Variants in NCKAP5 observed in about 807,000 individuals in gnomAD.
The protein encoded by NCKAP5 is NCK associated protein 5.
In NCKAP5, 92 loss-of-function variants were observed where a neutral mutation model predicts 167.0. The ratio of observed to expected loss-of-function variants is 0.55; its 90% confidence interval spans 0.47 to 0.66. The LOEUF is 0.66. Ranked by LOEUF, NCKAP5 falls within the 30% of genes least tolerant of loss-of-function variation. NCKAP5 has a pLI of 0.00. For synonymous variants in NCKAP5, 891 were observed against 877.4 expected (o/e 1.02, Z -0.27); for missense variants, 2,378 against 2,315.0 (o/e 1.03, Z -0.56).
intron 5 of NCKAP5, among the ~76,000 whole-genome samples, chr2:133,141,829 T>C (rs2083010423): frequency 6.6e-6 from 1 of 152,112 alleles, no homozygotes; most frequent in Non-Finnish European, 1.5e-5. Flanking sequence ...ATGAGAAACC[T>C]AAAAATTTTA....
intron 8 of NCKAP5, among the ~76,000 whole-genome samples, chr2:132,952,388 T>A (rs1356397206): frequency 6.6e-6 from 1 of 152,184 alleles, no homozygotes; most frequent in Admixed American, 6.5e-5. Flanking sequence ...TTTTCTATCA[T>A]CTAAGGTATT....
the NCKAP5 span, among the ~76,000 whole-genome samples, chr2:133,634,167 G>T: frequency 2.0e-5 from 3 of 152,082 alleles, no homozygotes; most frequent in African/African-American, 4.8e-5. Context: ...CTATCCTTTT[G>T]GTTTCCATTT....
chr2:133,377,452 A>T (rs1277337577), intron 3 of NCKAP5, among the ~76,000 whole-genome samples: 1 of 152,170 alleles, frequency 6.6e-6, no homozygotes, highest in African/African-American at 2.4e-5. Flanking sequence ...ACACTTCCTA[A>T]ACCTCATTAA....
rs557180863 is a variant in NCKAP5 at position 132,792,573 on chromosome 2, G to A, written c.910-2368C>T. Among the ~76,000 whole-genome samples, 12 of 152,282 alleles carry A rather than the reference G, an allele frequency of 7.9e-5. No individual in the cohort carries two copies. The East Asian group carries it at 2.3e-3, about 29-fold the overall frequency. On this transcript the variant is annotated intron_variant, in intron 12 of 19. Coordinates refer to ENST00000409261, the MANE Select transcript of NCKAP5 (RefSeq NM_207363.3). ...TTTTGTTGTTTAAATACGCAGTGTG[G>A]TGGTTGTTATTTAGGACTGCCTCTG...
chr2:133,220,111 A>T (rs1423795123), intron 4 of NCKAP5, among the ~76,000 whole-genome samples: 3 of 152,138 alleles, frequency 2.0e-5, no homozygotes, highest in Non-Finnish European at 4.4e-5. Context: ...AAATACACTC[A>T]CATACACATA....
intron 15 of NCKAP5, among the ~76,000 whole-genome samples, chr2:132,780,296 CG>C (rs1381153341): frequency 6.6e-6 from 1 of 152,146 alleles, no homozygotes; most frequent in Admixed American, 6.6e-5. Flanking sequence ...GGACTGCAGG[CG>C]CCCACCACCA....
chr2:133,587,738 T>C, the NCKAP5 span, among the ~76,000 whole-genome samples: 6 of 152,180 alleles, frequency 3.9e-5, no homozygotes, highest in African/African-American at 1.2e-4. Context: ...AGCCCACGTT[T>C]CTCTCTCTGA....
At chr2:132,931,690 C>T (rs1481804220) in intron 8 of NCKAP5, among the ~76,000 whole-genome samples, 3 of 152,166 alleles carry the variant, frequency 2.0e-5, no homozygotes, top group Admixed American at 6.5e-5. Flanking sequence ...ATAAAACCTA[C>T]AACTGTATAT....
chr2:133,163,489 T>C (rs116280412), intron 5 of NCKAP5, among the ~76,000 whole-genome samples: 37 of 152,342 alleles, frequency 2.4e-4, no homozygotes, highest in African/African-American at 8.7e-4. Context: ...TATTATTACA[T>C]CTACTTAGTA....
chr2:132,857,039 T>A (rs925942873), intron 11 of NCKAP5, among the ~76,000 whole-genome samples: 4 of 152,194 alleles, frequency 2.6e-5, no homozygotes, highest in African/African-American at 9.6e-5. Context: ...ATGAAATTGG[T>A]GAGTGCTGTA....
At chr2:132,973,039 C>A (rs967038877) in intron 7 of NCKAP5, among the ~76,000 whole-genome samples, 1 of 152,072 alleles carries the variant, frequency 6.6e-6, no homozygotes, top group Non-Finnish European at 1.5e-5. Flanking sequence ...AAAGTTGGAA[C>A]ATTTTCATCC....
At chr2:132,731,672 G>A (rs1482858657) in intron 17 of NCKAP5, 65 bp downstream of exon 17, 2 of 1,487,356 alleles carry the variant, frequency 1.3e-6, no homozygotes, top group African/African-American at 2.8e-5. Context: ...CTCATCTCCT[G>A]GTGAAAAGTT....
At chr2:132,888,666 C>G (rs981599927) in intron 8 of NCKAP5, among the ~76,000 whole-genome samples, 1 of 152,186 alleles carries the variant, frequency 6.6e-6, no homozygotes, top group African/African-American at 2.4e-5. Flanking sequence ...GCTGGGATTA[C>G]AGGCGTGAGC....
chr2:132,936,716 C>T (rs937378818), intron 8 of NCKAP5, among the ~76,000 whole-genome samples: 12 of 152,128 alleles, frequency 7.9e-5, no homozygotes, highest in Non-Finnish European at 1.3e-4. Flanking sequence ...AAGATACACA[C>T]AAATGTGCTT....
intron 5 of NCKAP5, among the ~76,000 whole-genome samples, chr2:133,141,457 C>T (rs534371636): frequency 6.6e-6 from 1 of 151,246 alleles, no homozygotes; most frequent in African/African-American, 2.4e-5. Flanking sequence ...CCTTTTTATC[C>T]TGTAGCTGGA....
intron 4 of NCKAP5, among the ~76,000 whole-genome samples, chr2:133,221,568 A>G (rs942762666): frequency 3.3e-5 from 5 of 152,236 alleles, no homozygotes; most frequent in Admixed American, 6.5e-5. Context: ...AGACTTCAGG[A>G]TTGATAGACA....
chr2:133,399,860 T>C (rs1687988469), intron 3 of NCKAP5, among the ~76,000 whole-genome samples: 1 of 152,170 alleles, frequency 6.6e-6, no homozygotes, highest in Non-Finnish European at 1.5e-5. Flanking sequence ...TGAAAACTGG[T>C]CAGTTTACAC....
intron 6 of NCKAP5, among the ~76,000 whole-genome samples, chr2:133,021,687 A>C (rs1164573782): frequency 6.6e-6 from 1 of 152,186 alleles, no homozygotes; most frequent in Admixed American, 6.5e-5. Context: ...GCGGGAGTGC[A>C]GTGGCTCAGT....
At chr2:133,109,758 T>A (rs147223270) in intron 6 of NCKAP5, among the ~76,000 whole-genome samples, 1,730 of 141,388 alleles carry the variant, frequency 0.012, 25 homozygotes, top group African/African-American at 0.045. Context: ...GATCAAGTTT[T>A]TCTGAAAAAA....
Sources: gnomAD v4.1 joint callset for allele counts (sites outside exome capture counted in the v4.1 genomes callset) on GRCh38, gnomAD v4.1.1 for gene constraint, MANE v1.5 for transcripts, NCBI Gene and HGNC (gene_info 2026-07-23, HGNC 2026-07-21) for gene names.